Variants in KCNQ3 observed in about 807,000 individuals in gnomAD.
The protein encoded by KCNQ3 is potassium voltage-gated channel subfamily KQT member 3.
Under a neutral mutation model 92.5 loss-of-function variants are expected in KCNQ3, and 30 were observed. The observed-to-expected ratio is 0.32, with a 90% CI of 0.24 to 0.44. The LOEUF is 0.44. Among genes scored for constraint, KCNQ3 ranks in the 20% least tolerant of loss-of-function variants. The pLI, the probability that KCNQ3 is intolerant of heterozygous loss-of-function variation, is 1.00. For missense variants in KCNQ3, 913 were observed against 1,140.3 expected (o/e 0.80, Z 2.87); for synonymous variants, 450 against 468.8 (o/e 0.96, Z 0.52).
intron 1 of KCNQ3, among the ~76,000 whole-genome samples, chr8:132,413,888 G>A (rs1020396776): frequency 4.6e-5 from 7 of 152,138 alleles, no homozygotes; most frequent in African/African-American, 1.4e-4. Flanking sequence ...GTTCTCACCC[G>A]CACGCCCACC....
At chr8:132,478,411 G>C (rs1375633938) in intron 1 of KCNQ3, among the ~76,000 whole-genome samples, 1 of 152,178 alleles carries the variant, frequency 6.6e-6, no homozygotes. Flanking sequence ...AAGGACACGT[G>C]AATCATTGTA....
chr8:132,303,723 T>A (rs1263413060), intron 1 of KCNQ3, among the ~76,000 whole-genome samples: 4 of 138,088 alleles, frequency 2.9e-5, no homozygotes, highest in Non-Finnish European at 6.2e-5. Context: ...ATACACCACA[T>A]ATATGTACAT....
intron 1 of KCNQ3, among the ~76,000 whole-genome samples, chr8:132,441,176 T>A (rs966193713): frequency 1.3e-5 from 2 of 152,194 alleles, no homozygotes; most frequent in African/African-American, 4.8e-5. Flanking sequence ...CAAAAGTAGG[T>A]TGATGCCATG....
At chr8:132,233,651 T>C (rs1814713483) in intron 1 of KCNQ3, among the ~76,000 whole-genome samples, 1 of 152,234 alleles carries the variant, frequency 6.6e-6, no homozygotes, top group Non-Finnish European at 1.5e-5. Context: ...CATCCTGCTT[T>C]CTTCCATTCA....
At chr8:132,149,035 A>G (rs1825550954) in intron 9 of KCNQ3, among the ~76,000 whole-genome samples, 1 of 152,232 alleles carries the variant, frequency 6.6e-6, no homozygotes, top group Non-Finnish European at 1.5e-5. Flanking sequence ...TTATTTCTCT[A>G]CAGAGGAATT....
At chr8:132,422,890 T>C (rs1821011677) in intron 1 of KCNQ3, among the ~76,000 whole-genome samples, 1 of 151,966 alleles carries the variant, frequency 6.6e-6, no homozygotes, top group Admixed American at 6.6e-5. Context: ...TACAAGAAAT[T>C]GCATGAGTGA....
In KCNQ3 at chr8:132,134,312, A is replaced by G. The variant is rs1262795143; in HGVS notation, c.1777T>C (p.Phe593Leu). The change falls in exon 13 of 15, where the codon TTC becomes CTC. Residue 593 changes from phenylalanine to leucine, a missense_variant. This residue lies in a region of KCNQ3 where 375 missense variants were observed against 376.4 expected (regional missense o/e 1.00). Transcript: ENST00000388996. ...KKSQKGSAFT[F>L]PSQQSPRNEP... ...CACCTGGGAGATTGCTGGGATGGGA[A>G]GGTGAATGCTGACCCTTTCTGAGAC... The G allele has an allele frequency of 5.0e-6, 8 of 1,613,918 alleles. No homozygotes were observed. The highest frequency in any genetic ancestry group is 6.8e-6 in the Non-Finnish European group (8 of 1,179,898).
intron 1 of KCNQ3, among the ~76,000 whole-genome samples, chr8:132,377,711 T>C (rs1819648217): frequency 6.6e-6 from 1 of 152,220 alleles, no homozygotes; most frequent in South Asian, 2.1e-4. Flanking sequence ...TTGATAAATA[T>C]TAGTGGAATT....
At chr8:132,401,242 G>A (rs1372655836) in intron 1 of KCNQ3, among the ~76,000 whole-genome samples, 19 of 152,122 alleles carry the variant, frequency 1.2e-4, no homozygotes, top group Admixed American at 1.2e-3. Context: ...CAAAGAGAAG[G>A]CTTGATTTCA....
At chr8:132,401,133 GA>G (rs995473211) in intron 1 of KCNQ3, among the ~76,000 whole-genome samples, 7 of 152,154 alleles carry the variant, frequency 4.6e-5, no homozygotes, top group Non-Finnish European at 8.8e-5. Flanking sequence ...CCCTGCCTCA[GA>G]AACTACTAGA....
chr8:132,267,889 C>T (rs992399967), intron 1 of KCNQ3, among the ~76,000 whole-genome samples: 4 of 152,234 alleles, frequency 2.6e-5, no homozygotes, highest in African/African-American at 9.6e-5. Flanking sequence ...ATATCCTCAA[C>T]TAGCATGGCA....
At chr8:132,304,361 C>A (rs183667235) in intron 1 of KCNQ3, among the ~76,000 whole-genome samples, 2 of 152,178 alleles carry the variant, frequency 1.3e-5, no homozygotes, top group Non-Finnish European at 2.9e-5. Context: ...AAGCTGCACA[C>A]GTTTGGGGCC....
chr8:132,186,060 C>A, intron 2 of KCNQ3, 31 bp downstream of exon 2: 5 of 1,553,326 alleles, frequency 3.2e-6, no homozygotes, highest in Non-Finnish European at 4.4e-6. Flanking sequence ...GAAGCCCAAC[C>A]AGAAGCATTT....
chr8:132,392,662 A>T (rs1220186460), intron 1 of KCNQ3, among the ~76,000 whole-genome samples: 3 of 151,904 alleles, frequency 2.0e-5, no homozygotes, highest in Admixed American at 2.0e-4. Context: ...TTAGCTGGGC[A>T]TGGTGGCACA....
intron 1 of KCNQ3, among the ~76,000 whole-genome samples, chr8:132,441,598 C>T (rs1821539551): frequency 6.6e-6 from 1 of 151,736 alleles, no homozygotes. Context: ...AACAAACAAA[C>T]AAACAAATAT....
intron 1 of KCNQ3, among the ~76,000 whole-genome samples, chr8:132,316,054 C>T (rs978078819): frequency 1.3e-5 from 2 of 152,118 alleles, no homozygotes; most frequent in Non-Finnish European, 2.9e-5. Context: ...AGGGAATCTG[C>T]GGTAGGCTTT....
In KCNQ3 at chr8:132,240,964, C is replaced by G. The variant is rs142240066; in HGVS notation, c.387-54783G>C. On this transcript the variant is annotated intron_variant, in intron 1 of 14. Transcript: ENST00000388996. ...AGTGCAGTGGCTCGAACTTGGCTCA[C>G]TGCAGCCTCTGCCTCCCGGGTTCCA... Among the ~76,000 whole-genome samples the G allele has an allele frequency of 1.7e-3, 263 of 152,018 alleles. 1 individual carries two copies. Among genetic ancestry groups the G allele is most frequent in the African/African-American group, 5.7e-3 (238 of 41,462 alleles).
intron 1 of KCNQ3, among the ~76,000 whole-genome samples, chr8:132,322,615 C>T (rs1817925680): frequency 1.3e-5 from 2 of 152,186 alleles, no homozygotes; most frequent in African/African-American, 2.4e-5. Flanking sequence ...AGGTACTTGG[C>T]TGATCTGCCA....
intron 1 of KCNQ3, among the ~76,000 whole-genome samples, chr8:132,417,486 G>GAATA (rs1563903651): frequency 1.3e-5 from 2 of 152,238 alleles, no homozygotes; most frequent in African/African-American, 4.8e-5. Context: ...CATGGGTGGA[G>GAATA]AATAGATTTG....
Sources: allele counts gnomAD v4.1 joint callset (sites outside exome capture counted in the v4.1 genomes callset), GRCh38; gene constraint gnomAD v4.1.1; regional missense constraint gnomAD v4.1.1; transcripts MANE v1.5; gene names NCBI Gene and HGNC (gene_info 2026-07-23, HGNC 2026-07-21).